Variants in P2RY8 observed in about 807,000 individuals in gnomAD.
The protein encoded by P2RY8 is S-geranylgeranyl-glutathione receptor P2RY8.
Under a neutral mutation model 10.0 loss-of-function variants are expected in P2RY8, and 6 were observed. That is an observed-to-expected ratio of 0.60 (90% CI 0.33 to 1.19). The LOEUF is 1.19. P2RY8 is among the 50% of genes most tolerant of loss of function. The pLI is 0.04. For synonymous variants in P2RY8, 276 were observed against 252.5 expected, an observed-to-expected ratio of 1.09 and a Z score of -0.88; for missense variants, 456 against 542.0, an observed-to-expected ratio of 0.84 and a Z score of 1.58.
At chrX:1,494,427 T>G (rs1306314860) in intron 1 of P2RY8, 1 of 152,104 alleles carries the variant, frequency 6.6e-6, no homozygotes, top group Non-Finnish European at 1.5e-5. Flanking sequence ...CAACAATAGA[T>G]GGAAAAGCTT....
intron 1 of P2RY8, among the ~76,000 whole-genome samples, chrX:1,536,077 A>G (rs1189268812): frequency 6.6e-6 from 1 of 152,024 alleles, no homozygotes; most frequent in Non-Finnish European, 1.5e-5. Context: ...TTACTCTTCC[A>G]TTATTGGAAC....
rs1352703808 is a variant in P2RY8 at position 1,462,695 on chromosome X, C to T, written c.*2784G>A. The T allele has an allele frequency of 4.3e-6, 1 of 233,072 alleles. No individual in the cohort carries two copies. Among genetic ancestry groups the T allele is most frequent in the Non-Finnish European group, 8.5e-6 (1 of 117,974 alleles). 14.4% of individuals were successfully genotyped at this position (233,072 alleles called of 1,614,324 possible). A position where few individuals can be genotyped will look rare whatever the true frequency, so the allele number is the denominator to read the frequency against. On this transcript the variant is annotated 3_prime_UTR_variant, in exon 2 of 2. Coordinates refer to ENST00000381297, the MANE Select transcript of P2RY8 (RefSeq NM_178129.5). ...AACACCCGGACTCAATCAGTCCTCC[C>T]GCCTGAGCCTCCCAAAGTGCTGAGA...
chrX:1,467,843 T>A, intron 1 of P2RY8, among the ~76,000 whole-genome samples: 1 of 151,900 alleles, frequency 6.6e-6, no homozygotes, highest in Middle Eastern at 3.4e-3. Flanking sequence ...CACGCCCAGC[T>A]AATATTTTTA....
chrX:1,484,719 C>A (rs1216384220), intron 1 of P2RY8, among the ~76,000 whole-genome samples: 2 of 37,372 alleles, frequency 5.4e-5, no homozygotes, highest in Admixed American at 3.9e-4. Flanking sequence ...CAGAGCAAAA[C>A]CCTGTAAAAA....
At chrX:1,530,932 A>G (rs2092470394) in intron 1 of P2RY8, among the ~76,000 whole-genome samples, 1 of 151,718 alleles carries the variant, frequency 6.6e-6, no homozygotes. Context: ...CTATGCATGT[A>G]TCTATGTATC....
Position 1,465,901 on chromosome X carries a change from G to A in P2RY8, c.658C>T (p.Leu220=), listed in dbSNP as rs763316011. The change falls in exon 2 of 2, where the codon CTG becomes TTG. Residue 220 remains leucine, a synonymous_variant. Transcript: ENST00000381297. ...VACYTATILK[L]LRTEEAHGRE... is the part of the protein sequence containing the mutation. ...CCGTGCGCCTCCTCCGTGCGCAACAGCTTGAGGATGGTGGCCGTGTAACAA... is the reference window on the plus strand; with the variant it reads ...CCGTGCGCCTCCTCCGTGCGCAACAACTTGAGGATGGTGGCCGTGTAACAA... The A allele has an allele frequency of 6.2e-7, 1 of 1,612,544 alleles. No homozygotes were observed. The highest frequency in any genetic ancestry group is 8.5e-7 in the Non-Finnish European group (1 of 1,179,744).
chrX:1,487,003 G>A (rs1258715595), intron 1 of P2RY8, among the ~76,000 whole-genome samples: 49 of 152,212 alleles, frequency 3.2e-4, no homozygotes, highest in Non-Finnish European at 5.9e-4. Flanking sequence ...GTCGTCACTG[G>A]GGCCGTAGCC....
intron 1 of P2RY8, among the ~76,000 whole-genome samples, chrX:1,518,096 C>T (rs779966618): frequency 6.2e-4 from 88 of 141,022 alleles, no homozygotes; most frequent in African/African-American, 2.2e-3. Context: ...GCAACAACAG[C>T]GAAACTCCAT....
chrX:1,506,956 G>A (rs1252916210), intron 1 of P2RY8, among the ~76,000 whole-genome samples: 11 of 87,136 alleles, frequency 1.3e-4, no homozygotes, highest in Non-Finnish European at 1.8e-4. Context: ...GATGACAGGC[G>A]TGAGCCACCG....
chrX:1,487,519 T>C (rs1406739775), intron 1 of P2RY8, among the ~76,000 whole-genome samples: 1 of 152,052 alleles, frequency 6.6e-6, no homozygotes, highest in Non-Finnish European at 1.5e-5. Flanking sequence ...TTTCTGGGCA[T>C]GTAGAAGATG....
Position 1,522,078 on chromosome X carries a change from G to A in P2RY8, c.-25+14843C>T, listed in dbSNP as rs191311277. On this transcript the variant is annotated intron_variant, in intron 1 of 1. Transcript: ENST00000381297. ...GGTGATTCTCCTGCCTCAGCCTCCC[G>A]AGTAGCTGGGATTACAGGCATGCAC... Among the ~76,000 whole-genome samples, 14 of 145,898 alleles carry A rather than the reference G, an allele frequency of 9.6e-5. No homozygotes were observed. In the East Asian group the frequency reaches 2.3e-3, roughly 24 times the overall value.
chrX:1,501,814 C>T (rs1297777945), intron 1 of P2RY8, among the ~76,000 whole-genome samples: 7 of 151,572 alleles, frequency 4.6e-5, no homozygotes, highest in East Asian at 1.9e-4. Context: ...AGGATGGTCT[C>T]GATATCTGGA....
At chrX:1,533,821 T>C (rs1267392055) in intron 1 of P2RY8, among the ~76,000 whole-genome samples, 48 of 121,214 alleles carry the variant, frequency 4.0e-4, no homozygotes, top group Non-Finnish European at 6.0e-4. Flanking sequence ...TTATTATTTA[T>C]ATATTATATA....
At chrX:1,509,161 TTCTATCTATCTA>T (rs56651378) in intron 1 of P2RY8, among the ~76,000 whole-genome samples, 37 of 144,590 alleles carry the variant, frequency 2.6e-4, no homozygotes, top group South Asian at 1.8e-3. Context: ...TATCCATCCA[TTCTATCTATCTA>T]TCTATCTATC....
chrX:1,475,891 C>T lies in P2RY8; in HGVS notation c.-24-9309G>A, dbSNP rs184105753. On this transcript the variant is annotated intron_variant, in intron 1 of 1. Transcript: ENST00000381297. ...AGCATATAGATTATGATGTGATTTGCCAAAGCCCAGGAGGAATGGCTGCAT... is the reference window on the plus strand; with the variant it reads ...AGCATATAGATTATGATGTGATTTGTCAAAGCCCAGGAGGAATGGCTGCAT... Among the ~76,000 whole-genome samples, 628 of 152,262 alleles carry T rather than the reference C, an allele frequency of 4.1e-3. 3 individuals carry two copies. The highest frequency in any genetic ancestry group is 0.014 in the African/African-American group (592 of 41,534).
chrX:1,505,646 T>C (rs112542653), intron 1 of P2RY8, among the ~76,000 whole-genome samples: 1 of 151,724 alleles, frequency 6.6e-6, no homozygotes, highest in Non-Finnish European at 1.5e-5. Flanking sequence ...AAAACTTAGC[T>C]GGGTGTGGTG....
chrX:1,480,866 C>G (rs1258407306), intron 1 of P2RY8, among the ~76,000 whole-genome samples: 4 of 150,718 alleles, frequency 2.7e-5, no homozygotes, highest in Non-Finnish European at 5.9e-5. Flanking sequence ...AACCAGTATG[C>G]AAAATGTGCC....
intron 1 of P2RY8, among the ~76,000 whole-genome samples, chrX:1,509,773 C>G (rs192199938): frequency 0.018 from 1,921 of 109,130 alleles, 138 homozygotes; most frequent in Middle Eastern, 0.042. Flanking sequence ...ATCTATCTAT[C>G]TATCTATCAT....
At chrX:1,518,652 T>C (rs1307002778) in intron 1 of P2RY8, among the ~76,000 whole-genome samples, 1 of 151,708 alleles carries the variant, frequency 6.6e-6, no homozygotes, top group Non-Finnish European at 1.5e-5. Context: ...ATCTTGTTTG[T>C]CCCCAATCTT....
Sources: gnomAD v4.1 joint callset for allele counts (sites outside exome capture counted in the v4.1 genomes callset) on GRCh38, gnomAD v4.1.1 for gene constraint, MANE v1.5 for transcripts, NCBI Gene and HGNC (gene_info 2026-07-23, HGNC 2026-07-21) for gene names.